The following MPPE1 variants were observed in gnomAD, a reference collection of about 807,000 sequenced individuals.
MPPE1 encodes metallophosphoesterase 1.
In MPPE1, 28 loss-of-function variants were observed where a neutral mutation model predicts 43.8. The ratio of observed to expected loss-of-function variants is 0.64; its 90% CI spans 0.47 to 0.88. MPPE1 has a LOEUF of 0.88. Among genes scored for constraint, MPPE1 ranks in the 40% least tolerant of loss-of-function variants. MPPE1 has a pLI of 0.00. For synonymous variants in MPPE1, 159 were observed against 188.5 expected (o/e 0.84, Z 1.28); for missense variants, 428 against 492.2 (o/e 0.87, Z 1.23).
At chr18:11,887,791 G>A (rs2037509017) in intron 6 of MPPE1, among the ~76,000 whole-genome samples, 1 of 152,216 alleles carries the variant, frequency 6.6e-6, no homozygotes, top group Non-Finnish European at 1.5e-5. Flanking sequence ...GCTGTTTGAA[G>A]TGTCTTAAAC....
chr18:11,896,416 T>C (rs2038621004), intron 3 of MPPE1, among the ~76,000 whole-genome samples: 1 of 152,112 alleles, frequency 6.6e-6, no homozygotes, highest in African/African-American at 2.4e-5. Flanking sequence ...AATAATTTGT[T>C]TAAAAAGCTT....
intron 1 of MPPE1, among the ~76,000 whole-genome samples, chr18:11,906,579 G>T (rs191541421): frequency 6.6e-6 from 1 of 152,002 alleles, no homozygotes; most frequent in Admixed American, 6.6e-5. Context: ...TCTTTAGGCT[G>T]GGCGCAGTGG....
rs1555618372 is a variant in MPPE1 at position 11,882,841 on chromosome 18, G to A, written c.*1604C>T. 6.6e-6 allele frequency: 1 copy of A among 152,122 alleles called. No homozygotes were observed. The highest frequency in any genetic ancestry group is 1.5e-5 in the Non-Finnish European group (1 of 68,022). The allele number at this position is 152,122 out of a possible 1,614,324, so 9.4% of individuals were successfully genotyped here. A position where few individuals can be genotyped will look rare whatever the true frequency, so the allele number is the denominator to read the frequency against. ...ATACGGCTCTTTCTCACACTTGCAA[G>A]ACTTACAAATACAGCCTCAAACATT... On this transcript the variant is annotated 3_prime_UTR_variant, in exon 11 of 11. Coordinates refer to ENST00000588072, the MANE Select transcript of MPPE1 (RefSeq NM_023075.6).
intron 4 of MPPE1, among the ~76,000 whole-genome samples, chr18:11,890,943 T>C (rs2037927141): frequency 6.6e-6 from 1 of 152,234 alleles, no homozygotes; most frequent in African/African-American, 2.4e-5. Flanking sequence ...AAAATTATTC[T>C]GATACTTGCT....
intron 4 of MPPE1, among the ~76,000 whole-genome samples, chr18:11,889,911 C>T (rs2037778286): frequency 6.6e-6 from 1 of 151,210 alleles, no homozygotes; most frequent in Non-Finnish European, 1.5e-5. Flanking sequence ...ATGAATTCCC[C>T]TGTTCAAATC....
chr18:11,899,570 T>A (rs1237282322), intron 2 of MPPE1, among the ~76,000 whole-genome samples: 2 of 152,146 alleles, frequency 1.3e-5, no homozygotes, highest in Non-Finnish European at 2.9e-5. Flanking sequence ...TGCCCTGAGA[T>A]AGGCTATAAA....
At chr18:11,895,543 C>CT (rs10714864) in intron 3 of MPPE1, among the ~76,000 whole-genome samples, 111 of 147,030 alleles carry the variant, frequency 7.5e-4, no homozygotes, top group East Asian at 1.2e-3. Flanking sequence ...TTTTATTTTA[C>CT]TTTTTTTTTT....
intron 2 of MPPE1, among the ~76,000 whole-genome samples, chr18:11,904,328 T>A (rs1598609698): frequency 6.6e-6 from 1 of 151,916 alleles, no homozygotes; most frequent in Non-Finnish European, 1.5e-5. Context: ...TATTTATTTT[T>A]TTTTGAGACA....
rs772956407 is a variant in MPPE1, at chr18:11,884,482, G to A, written c.1154C>T (p.Ser385Phe). The A allele has an allele frequency of 1.2e-6, 2 of 1,614,018 alleles. No individual in the cohort carries two copies. Among genetic ancestry groups the A allele is most frequent in the African/African-American group, 1.3e-5 (1 of 74,920 alleles). The change falls in exon 11 of 11, where the codon TCT (serine) becomes TTT (phenylalanine). Residue 385 changes from serine (S) to phenylalanine (F), a missense_variant. By Grantham distance (155) the Ser-to-Phe change is radical (BLOSUM62 -2). This residue lies in a region of MPPE1 where 379 missense variants were observed against 402.5 expected (regional missense o/e 0.94). Coordinates refer to ENST00000588072, the MANE Select transcript of MPPE1 (RefSeq NM_023075.6). ...ACGCTTTCCGAGCAAGTTCAAACCA[G>A]AAAGAAAAGGTGAGGCTAGAAGCCC... The part of the protein sequence containing the change: ...HFGLLASPFL[S>F]GLNLLGKRKT...
chr18:11,900,864 G>A (rs1265931), intron 2 of MPPE1, among the ~76,000 whole-genome samples: 45,508 of 148,994 alleles, frequency 0.31, 10,121 homozygotes, highest in African/African-American at 0.62. Context: ...CCGAGATTGC[G>A]CCACTGCACT....
chr18:11,896,382 G>A (rs888347686), intron 3 of MPPE1, among the ~76,000 whole-genome samples: 27 of 152,254 alleles, frequency 1.8e-4, no homozygotes, highest in Middle Eastern at 6.8e-3. Context: ...GATTACAGGC[G>A]TGAGCCAGTG....
intron 2 of MPPE1, among the ~76,000 whole-genome samples, chr18:11,900,775 C>T (rs943468009): frequency 2.0e-5 from 3 of 151,916 alleles, no homozygotes; most frequent in South Asian, 2.1e-4. Flanking sequence ...GGCGTGGTGG[C>T]AGACGCCTGT....
chr18:11,883,510 G>A lies in MPPE1; in HGVS notation c.*935C>T, dbSNP rs1366299607. The A allele has an allele frequency of 6.5e-6, 1 of 153,484 alleles. No individual in the cohort carries two copies. The highest frequency in any genetic ancestry group is 6.6e-5 in the Admixed American group (1 of 15,264). 9.5% of individuals were successfully genotyped at this position (153,484 alleles called of 1,614,324 possible). On this transcript the variant is annotated 3_prime_UTR_variant, in exon 11 of 11. Coordinates refer to ENST00000588072, the MANE Select transcript of MPPE1 (RefSeq NM_023075.6). ...CAATTATTAAAGCATTTATTTTCAG[G>A]TACCAAAAGCCATATCCCATTCCAC... is the stretch of plus-strand genomic sequence containing the variant.
At chr18:11,895,702 A>G (rs536168912) in intron 3 of MPPE1, among the ~76,000 whole-genome samples, 75 of 152,178 alleles carry the variant, frequency 4.9e-4, no homozygotes, top group African/African-American at 1.7e-3. Flanking sequence ...GCGGGCATAA[A>G]GAGCAAAAAT....
At chr18:11,885,587 T>G (rs998558343) in intron 10 of MPPE1, 89 bp downstream of exon 10, 75 of 1,478,820 alleles carry the variant, frequency 5.1e-5, no homozygotes, top group Non-Finnish European at 6.7e-5. Flanking sequence ...TTTGTAAATT[T>G]TGACCGATTG....
intron 3 of MPPE1, among the ~76,000 whole-genome samples, chr18:11,896,715 A>G (rs958839214): frequency 2.0e-5 from 3 of 152,182 alleles, no homozygotes; most frequent in African/African-American, 7.2e-5. Flanking sequence ...TAATCCAGTT[A>G]CAAACAAGGA....
rs76876465 is a variant in MPPE1, at chr18:11,903,784, G to T, written c.-93+2419C>A. 3.1e-4 allele frequency among the ~76,000 whole-genome samples: 47 copies of T among 152,026 alleles called. No individual in the cohort carries two copies. In the East Asian group the frequency reaches 6.6e-3, roughly 21 times the overall value. ...TCGCGCCATTGCACTCCAGCCTGGG[G>T]GACAGAGCGAGACTCCGTCTCAAAA... On this transcript the variant is annotated intron_variant, in intron 2 of 10. Transcript: ENST00000588072.
chr18:11,883,363 C>T lies in MPPE1; in HGVS notation c.*1082G>A, dbSNP rs533171669. 4 of 153,314 alleles carry T rather than the reference C, an allele frequency of 2.6e-5. No individual in the cohort carries two copies. Among genetic ancestry groups the T allele is most frequent in the Admixed American group, 2.0e-4 (3 of 15,294 alleles). The allele number at this position is 153,314 out of a possible 1,614,324, so 9.5% of individuals were successfully genotyped here. On this transcript the variant is annotated 3_prime_UTR_variant, in exon 11 of 11. Transcript: ENST00000588072. Reference sequence around the variant, plus strand: ...ACCCCCAGCAAGAAAGGGAAGTATGCTGTTGTATGCATCATTACTCAACAA... The same window carrying T: ...ACCCCCAGCAAGAAAGGGAAGTATGTTGTTGTATGCATCATTACTCAACAA...
chr18:11,888,382 G>A (rs1052570243), intron 6 of MPPE1, among the ~76,000 whole-genome samples: 3 of 152,188 alleles, frequency 2.0e-5, no homozygotes, highest in African/African-American at 7.2e-5. Context: ...GCTACCCAGA[G>A]ACAGTGCAGA....
Sources: gnomAD v4.1 joint callset for allele counts (sites outside exome capture counted in the v4.1 genomes callset) on GRCh38, gnomAD v4.1.1 for gene constraint, gnomAD v4.1.1 regional missense constraint, MANE v1.5 for transcripts, NCBI Gene and HGNC (gene_info 2026-07-23, HGNC 2026-07-21) for gene names.